The following PBLD variants were observed in gnomAD, a reference collection of about 807,000 sequenced individuals.
PBLD encodes the protein phenazine biosynthesis like protein domain containing.
A neutral mutation model predicts 31.3 loss-of-function variants in PBLD; 26 were observed. The observed-to-expected ratio is 0.83, with a 90% CI of 0.61 to 1.15. PBLD has a LOEUF of 1.15. PBLD is among the 50% of genes most tolerant of loss of function. The probability of loss-of-function intolerance (pLI) is 0.00; values close to 1 mark genes in which losing one functional copy is unlikely to be tolerated. For missense variants in PBLD, 307 were observed against 351.7 expected, an observed-to-expected ratio of 0.87 and a Z score of 1.02; for synonymous variants, 114 against 129.0, an observed-to-expected ratio of 0.88 and a Z score of 0.79.
chr10:68,306,251 T>C (rs566059143), intron 2 of PBLD, among the ~76,000 whole-genome samples: 1 of 152,322 alleles, frequency 6.6e-6, no homozygotes, highest in East Asian at 1.9e-4. Context: ...TTCAGTAAGT[T>C]ATTTATATAC....
At chr10:68,325,961 G>T (rs1415328254) in intron 1 of PBLD, among the ~76,000 whole-genome samples, 32 of 152,068 alleles carry the variant, frequency 2.1e-4, no homozygotes, top group Admixed American at 2.0e-3. Flanking sequence ...TCTATGTAAT[G>T]GAATGTATCT....
At chr10:68,287,402 G>A in intron 8 of PBLD, 1 of 152,170 alleles carries the variant, frequency 6.6e-6, no homozygotes, top group East Asian at 1.9e-4. Context: ...TTTCTTCCAT[G>A]GGGAAGCTGC....
chr10:68,308,476 G>A (rs1351663853), intron 1 of PBLD, among the ~76,000 whole-genome samples: 1 of 138,074 alleles, frequency 7.2e-6, no homozygotes, highest in Non-Finnish European at 1.6e-5. Flanking sequence ...GACAGTATAT[G>A]AGAGTGTCTG....
chr10:68,320,058 G>C (rs2044811296), intron 1 of PBLD, among the ~76,000 whole-genome samples: 1 of 152,010 alleles, frequency 6.6e-6, no homozygotes, highest in African/African-American at 2.4e-5. Context: ...ACCGACCTCA[G>C]GTGATCTGCC....
At position 68,310,304 on chromosome 10, in the gene PBLD, TTA is replaced by T. The variant is rs1031898105; in HGVS notation, c.-59-3403_-59-3402del. Among the ~76,000 whole-genome samples the T allele has an allele frequency of 1.3e-3, 193 of 148,938 alleles. 7 individuals are homozygous for T. The highest frequency in any genetic ancestry group is 4.5e-3 in the African/African-American group (181 of 40,468). On this transcript the variant is annotated intron_variant, in intron 1 of 9. Transcript: ENST00000358769. ...AAGAAAATTTTTCTTTTTACTTTGT[TTA>T]TGTTTCTTTTAATTGACAGATAAAA...
intron 1 of PBLD, among the ~76,000 whole-genome samples, chr10:68,324,903 A>G (rs1337174852): frequency 1.3e-5 from 2 of 150,414 alleles, no homozygotes; most frequent in African/African-American, 4.9e-5. Flanking sequence ...GGCGTGAGCC[A>G]TCATGCCCAG....
At chr10:68,287,090 T>C (rs1443601776) in intron 8 of PBLD, 1 of 141,190 alleles carries the variant, frequency 7.1e-6, no homozygotes, top group South Asian at 2.3e-4. Context: ...GAACGTGCCA[T>C]TGCACTCCAG....
intron 1 of PBLD, among the ~76,000 whole-genome samples, chr10:68,319,890 C>T (rs892137267): frequency 6.7e-6 from 1 of 148,938 alleles, no homozygotes; most frequent in African/African-American, 2.5e-5. Flanking sequence ...ATGGTGCAAT[C>T]TCGGCTCACG....
chr10:68,320,660 C>T (rs945314056), intron 1 of PBLD, among the ~76,000 whole-genome samples: 2 of 151,700 alleles, frequency 1.3e-5, no homozygotes, highest in Admixed American at 6.6e-5. Context: ...TGTTGTATTT[C>T]TCTCTTTCTT....
intron 1 of PBLD, among the ~76,000 whole-genome samples, chr10:68,325,696 T>C (rs1323245734): frequency 6.6e-6 from 1 of 152,254 alleles, no homozygotes; most frequent in Non-Finnish European, 1.5e-5. Context: ...ATGTTTCACC[T>C]GCTTAGAGTT....
At chr10:68,284,711 A>T (rs1464398965) in intron 9 of PBLD, among the ~76,000 whole-genome samples, 1 of 152,228 alleles carries the variant, frequency 6.6e-6, no homozygotes, top group Non-Finnish European at 1.5e-5. Flanking sequence ...CTCAGCTCTG[A>T]ATAGGACAGA....
chr10:68,287,358 G>A (rs1414410922), intron 8 of PBLD: 1 of 123,834 alleles, frequency 8.1e-6, no homozygotes, highest in Non-Finnish European at 1.8e-5. Flanking sequence ...AAATCTTTGT[G>A]AAGCAGCTGT....
At chr10:68,295,439 A>C (rs2044411493) in intron 4 of PBLD, among the ~76,000 whole-genome samples, 1 of 151,000 alleles carries the variant, frequency 6.6e-6, no homozygotes, top group Admixed American at 6.6e-5. Context: ...GTTGCAGTGA[A>C]CTGATATCCT....
intron 1 of PBLD, among the ~76,000 whole-genome samples, chr10:68,330,887 C>T (rs1272590567): frequency 6.6e-6 from 1 of 152,150 alleles, no homozygotes; most frequent in African/African-American, 2.4e-5. Flanking sequence ...AAGAGTCTCC[C>T]TCGGTCTCCC....
rs148995148 is a variant in PBLD at position 68,289,012 on chromosome 10, A to G, written c.431T>C (p.Ile144Thr). ...HEVEDLIKTA[I>T]GNTLVQDICY... is the part of the protein sequence containing the mutation. ...GATGTCCTGGACCAGTGTGTTGCCT[A>G]TGGCAGTCTGTGGAGACAGACCAAA... Residue 144 changes from isoleucine (I) to threonine (T), a missense_variant, in exon 7 of 10, where the codon ATA becomes ACA. Ile to Thr is a moderately conservative substitution (Grantham distance 89). Transcript: ENST00000358769. 1.5e-5 allele frequency: 25 copies of G among 1,613,772 alleles called. No individual in the cohort carries two copies. In the African/African-American group the frequency reaches 3.1e-4, roughly 20 times the overall value.
chr10:68,288,713 C>G (rs780391107), intron 7 of PBLD, 52 bp from the exon 8 acceptor site: 2 of 1,572,030 alleles, frequency 1.3e-6, no homozygotes, highest in South Asian at 2.3e-5. Context: ...AGCCCACTCA[C>G]CACACAGACT....
chr10:68,331,714 G>T (rs2045102947), intron 1 of PBLD: 1 of 152,294 alleles, frequency 6.6e-6, no homozygotes, highest in African/African-American at 2.4e-5. Context: ...TCACGGTGGG[G>T]GCAGATCACC....
At chr10:68,330,877 AAG>A (rs898358568) in intron 1 of PBLD, among the ~76,000 whole-genome samples, 2 of 151,478 alleles carry the variant, frequency 1.3e-5, no homozygotes, top group Non-Finnish European at 2.9e-5. Flanking sequence ...TGTTTGAGAC[AAG>A]AGTCTCCCTC....
At chr10:68,286,850 C>T (rs573376859) in intron 8 of PBLD, among the ~76,000 whole-genome samples, 1 of 82,768 alleles carries the variant, frequency 1.2e-5, no homozygotes, top group African/African-American at 3.9e-5. Flanking sequence ...TTGGGAAAAC[C>T]TATGAAGTGT....
Sources: gnomAD v4.1 joint callset for allele counts (sites outside exome capture counted in the v4.1 genomes callset) on GRCh38, gnomAD v4.1.1 for gene constraint, MANE v1.5 for transcripts, NCBI Gene and HGNC (gene_info 2026-07-23, HGNC 2026-07-21) for gene names.